KSR2: variants seen among roughly 807,000 people sequenced by gnomAD.
KSR2 encodes the protein kinase suppressor of ras 2.
A neutral mutation model predicts 107.8 loss-of-function variants in KSR2; 25 were observed. That is an observed-to-expected ratio of 0.23 (90% CI 0.17 to 0.32). The LOEUF is 0.32. KSR2 is among the 10% of genes least tolerant of loss of function. The probability of loss-of-function intolerance (pLI) is 1.00; values close to 1 mark genes in which losing one functional copy is unlikely to be tolerated. For synonymous variants in KSR2, 480 were observed against 507.0 expected, an observed-to-expected ratio of 0.95 and a Z score of 0.71; for missense variants, 887 against 1,268.9, an observed-to-expected ratio of 0.70 and a Z score of 4.57.
At chr12:117,514,047 C>A (rs1874205816) in intron 14 of KSR2, among the ~76,000 whole-genome samples, 2 of 152,228 alleles carry the variant, frequency 1.3e-5, no homozygotes, top group Admixed American at 1.3e-4. Context: ...TGCCTGCCGG[C>A]AATACTGAGG....
intron 3 of KSR2, among the ~76,000 whole-genome samples, chr12:117,795,898 G>A (rs1252889839): frequency 2.6e-5 from 4 of 151,818 alleles, no homozygotes; most frequent in Non-Finnish European, 4.4e-5. Context: ...GACATGAGCC[G>A]CCACATCTGG....
At chr12:117,743,452 T>C (rs780889378) in intron 4 of KSR2, among the ~76,000 whole-genome samples, 1 of 152,194 alleles carries the variant, frequency 6.6e-6, no homozygotes, top group African/African-American at 2.4e-5. Context: ...GCAGCAAATG[T>C]CTCCTTCTTT....
intron 5 of KSR2, among the ~76,000 whole-genome samples, chr12:117,620,226 C>T (rs1052415939): frequency 3.9e-5 from 6 of 152,220 alleles, no homozygotes; most frequent in Non-Finnish European, 7.4e-5. Context: ...CTTTTTCTCC[C>T]TACAAAACCA....
rs1193899703 is a variant in KSR2 at position 117,459,694 on chromosome 12, C to G, written c.*7505G>C. Reference sequence around the variant, plus strand: ...TCCAAGCCATGGTATGTTGGAGAAGCCACCAACACACAGCAGATTTGACCC... The same window carrying G: ...TCCAAGCCATGGTATGTTGGAGAAGGCACCAACACACAGCAGATTTGACCC... On this transcript the variant is annotated 3_prime_UTR_variant, in exon 20 of 20. Coordinates refer to ENST00000339824, the MANE Select transcript of KSR2 (RefSeq NM_173598.6). The G allele has an allele frequency of 6.6e-6, 1 of 152,224 alleles. No homozygotes were observed. The highest frequency in any genetic ancestry group is 1.5e-5 in the Non-Finnish European group (1 of 68,052). The allele number at this position is 152,224 out of a possible 1,614,324, so 9.4% of individuals were successfully genotyped here. A position where few individuals can be genotyped will look rare whatever the true frequency, so the allele number is the denominator to read the frequency against.
intron 3 of KSR2, among the ~76,000 whole-genome samples, chr12:117,848,128 T>A (rs1246764454): frequency 6.6e-6 from 1 of 152,148 alleles, no homozygotes; most frequent in Admixed American, 6.5e-5. Flanking sequence ...AAAGGAAAGA[T>A]ACAGATGACC....
At chr12:117,777,710 A>G (rs973762232) in intron 3 of KSR2, among the ~76,000 whole-genome samples, 1 of 152,182 alleles carries the variant, frequency 6.6e-6, no homozygotes, top group African/African-American at 2.4e-5. Flanking sequence ...TCACTACTGT[A>G]TCACCCACTG....
At chr12:117,610,580 T>C (rs1033175479) in intron 5 of KSR2, among the ~76,000 whole-genome samples, 12 of 151,872 alleles carry the variant, frequency 7.9e-5, no homozygotes, top group African/African-American at 2.9e-4. Context: ...ATATCTCGTC[T>C]CTACAAAAAT....
chr12:117,629,181 C>T (rs945533326), intron 5 of KSR2, among the ~76,000 whole-genome samples: 1 of 152,244 alleles, frequency 6.6e-6, no homozygotes, highest in East Asian at 1.9e-4. Flanking sequence ...ACCCGCACTG[C>T]TTTGGCTCAC....
At chr12:117,635,264 C>T (rs192054013) in intron 5 of KSR2, among the ~76,000 whole-genome samples, 1 of 152,218 alleles carries the variant, frequency 6.6e-6, no homozygotes, top group African/African-American at 2.4e-5. Context: ...CATAAAGGGG[C>T]AGAGGAAAGA....
intron 1 of KSR2, among the ~76,000 whole-genome samples, chr12:117,942,878 GA>G (rs1896054455): frequency 2.0e-5 from 3 of 152,070 alleles, no homozygotes; most frequent in East Asian, 1.9e-4. Context: ...GTGTTTATGA[GA>G]GCGAAAAACT....
intron 7 of KSR2, among the ~76,000 whole-genome samples, chr12:117,570,848 C>T (rs1408807658): frequency 6.6e-6 from 1 of 152,216 alleles, no homozygotes. Context: ...GAACTCAGCT[C>T]TCTCTCTGCA....
At chr12:117,583,880 T>C (rs530876849) in intron 5 of KSR2, among the ~76,000 whole-genome samples, 5 of 152,222 alleles carry the variant, frequency 3.3e-5, no homozygotes, top group Non-Finnish European at 5.9e-5. Context: ...CTCCCTGTTT[T>C]TGGAGCTGCA....
chr12:117,474,423 A>C (rs1036725860), intron 17 of KSR2, among the ~76,000 whole-genome samples: 6 of 152,090 alleles, frequency 3.9e-5, no homozygotes, highest in African/African-American at 1.4e-4. Flanking sequence ...ATATCTCCTC[A>C]GGGTTTTTCA....
chr12:117,510,933 C>G (rs1162230771), intron 14 of KSR2, among the ~76,000 whole-genome samples: 2 of 151,048 alleles, frequency 1.3e-5, no homozygotes, highest in East Asian at 3.9e-4. Flanking sequence ...CAACACTAAT[C>G]TAGCACTTGA....
intron 4 of KSR2, among the ~76,000 whole-genome samples, chr12:117,699,846 T>C (rs1029131693): frequency 1.3e-5 from 2 of 152,128 alleles, no homozygotes; most frequent in African/African-American, 4.8e-5. Context: ...CACTAGGTGA[T>C]AGGAATTTTT....
Position 117,524,877 on chromosome 12 carries a change from G to A in KSR2, c.2194C>T (p.Pro732Ser). ...VVLFMGACMSPPHLAIITSLC... is the reference protein window; with the variant it reads ...VVLFMGACMSSPHLAIITSLC... The stretch of plus-strand genomic sequence containing the variant: ...CTGGTGATGATGGCCAGGTGAGGCG[G>A]GCTCATGCAGGCACCCATGAAAAGC... Residue 732 changes from proline (P) to serine (S), a missense_variant, in exon 14 of 20, where the codon CCG (proline) becomes TCG (serine). Physicochemically the swap from Pro to Ser is moderately conservative, Grantham distance 74 (BLOSUM62 -1). Coordinates refer to ENST00000339824, the MANE Select transcript of KSR2 (RefSeq NM_173598.6). The A allele has an allele frequency of 6.2e-7, 1 of 1,612,172 alleles. No individual in the cohort carries two copies. The highest frequency in any genetic ancestry group is 8.5e-7 in the Non-Finnish European group (1 of 1,178,990).
chr12:117,907,640 C>T lies in KSR2; in HGVS notation c.181-47209G>A, dbSNP rs1037205339. 6.6e-6 allele frequency among the ~76,000 whole-genome samples: 1 copy of T among 152,170 alleles called. No homozygotes were observed. The highest frequency in any genetic ancestry group is 6.5e-5 in the Admixed American group (1 of 15,280). On this transcript the variant is annotated intron_variant, in intron 1 of 19. Coordinates refer to ENST00000339824, the MANE Select transcript of KSR2 (RefSeq NM_173598.6). The surrounding 1 kb of genome is among the most constrained non-coding windows in gnomAD (Gnocchi z 4.3). ...ATGGAAAAATCTGTAAGGAAACCAACCACCTGTAAGAGTACAAGGCTAAAG... is the reference window on the plus strand; with the variant it reads ...ATGGAAAAATCTGTAAGGAAACCAATCACCTGTAAGAGTACAAGGCTAAAG...
intron 6 of KSR2, among the ~76,000 whole-genome samples, chr12:117,582,055 C>T (rs1360156936): frequency 1.3e-5 from 2 of 152,186 alleles, no homozygotes; most frequent in East Asian, 1.9e-4. Context: ...ACTCCAAAGC[C>T]CTGGCTTTTA....
chr12:117,615,996 AC>A (rs1440903954), intron 5 of KSR2, among the ~76,000 whole-genome samples: 1 of 152,046 alleles, frequency 6.6e-6, no homozygotes. Context: ...CTACAAAAAA[AC>A]ACAAAACTTA....
Sources: allele counts gnomAD v4.1 joint callset (sites outside exome capture counted in the v4.1 genomes callset), GRCh38; gene constraint gnomAD v4.1.1; non-coding constraint Gnocchi (gnomAD v3.1); transcripts MANE v1.5; gene names NCBI Gene and HGNC (gene_info 2026-07-23, HGNC 2026-07-21).